TRPM7: variants seen among roughly 807,000 people sequenced by gnomAD.
The protein encoded by TRPM7 is transient receptor potential cation channel subfamily M member 7.
In TRPM7, 134 loss-of-function variants were observed where a neutral mutation model predicts 229.7. The ratio of observed to expected loss-of-function variants is 0.58; its 90% CI spans 0.51 to 0.67. The LOEUF (loss-of-function observed/expected upper bound fraction) is 0.67. Among genes scored for constraint, TRPM7 ranks in the 30% least tolerant of loss-of-function variants. The pLI, the probability that TRPM7 is intolerant of heterozygous loss-of-function variation, is 0.00. For synonymous variants in TRPM7, 699 were observed against 715.2 expected, an observed-to-expected ratio of 0.98 and a Z score of 0.36; for missense variants, 1,901 against 2,210.0, an observed-to-expected ratio of 0.86 and a Z score of 2.80.
chr15:50,593,727 A>T lies in TRPM7; in HGVS notation c.3498T>A (p.Asp1166Glu), dbSNP rs367768346. 2.5e-6 allele frequency: 4 copies of T among 1,609,508 alleles called. No individual in the cohort carries two copies. The highest frequency in any genetic ancestry group is 3.4e-6 in the Non-Finnish European group (4 of 1,178,844). The change falls in exon 25 of 39, where the codon GAT (aspartate) becomes GAA (glutamate). Residue 1166 changes from aspartate (D) to glutamate (E), a missense_variant. Physicochemically the swap from Asp to Glu is conservative, Grantham distance 45 (BLOSUM62 2). Transcript: ENST00000646667. ...DGPKLFLTEEDQKKLHDFEEQ... is the reference protein window; with the variant it reads ...DGPKLFLTEEEQKKLHDFEEQ... Reference sequence around the variant, plus strand: ...CTTCAAAATCATGAAGTTTCTTTTGATCTTCTTCTGTTAAGAAAAGTTCTA... The same window carrying T: ...CTTCAAAATCATGAAGTTTCTTTTGTTCTTCTTCTGTTAAGAAAAGTTCTA...
At chr15:50,639,928 A>C (rs2061038780) in intron 5 of TRPM7, among the ~76,000 whole-genome samples, 1 of 152,092 alleles carries the variant, frequency 6.6e-6, no homozygotes, top group Non-Finnish European at 1.5e-5. Flanking sequence ...ACAAACTTAA[A>C]ACAAGGTCAT....
intron 20 of TRPM7, among the ~76,000 whole-genome samples, chr15:50,606,909 A>C (rs2059931827): frequency 6.6e-6 from 1 of 152,224 alleles, no homozygotes; most frequent in African/African-American, 2.4e-5. Flanking sequence ...GAGAGCAAAA[A>C]TGTGAATGTT....
intron 5 of TRPM7, among the ~76,000 whole-genome samples, chr15:50,643,013 C>T (rs193281774): frequency 1.3e-5 from 2 of 152,170 alleles, no homozygotes; most frequent in South Asian, 2.1e-4. Flanking sequence ...ATTTAAGGGC[C>T]GGGCGTGGTG....
At chr15:50,568,124 A>C (rs1373957406) in intron 38 of TRPM7, among the ~76,000 whole-genome samples, 12 of 151,256 alleles carry the variant, frequency 7.9e-5, no homozygotes, top group South Asian at 2.1e-4. Flanking sequence ...AAAAAAAAAA[A>C]AAAAAAAACA....
chr15:50,668,439 C>T (rs2140945299), intron 1 of TRPM7, among the ~76,000 whole-genome samples: 1 of 152,244 alleles, frequency 6.6e-6, no homozygotes, highest in South Asian at 2.1e-4. Flanking sequence ...ATATTTGTTT[C>T]TCTCTACCCC....
intron 19 of TRPM7, among the ~76,000 whole-genome samples, chr15:50,607,572 C>A (rs371161849): frequency 2.0e-5 from 3 of 152,126 alleles, no homozygotes; most frequent in African/African-American, 7.2e-5. Context: ...ACCTTTAGAA[C>A]GTCCCACAGA....
At position 50,585,059 on chromosome 15, in the gene TRPM7, T is replaced by TTTG. The variant is rs1298377290; in HGVS notation, c.4486+1332_4486+1333insCAA. On this transcript the variant is annotated intron_variant, in intron 28 of 38. Transcript: ENST00000646667. ...TCTAGCTAATTTTTGTATTTTTTTT[T>TTTG]TTTTTTTTTTTTTGAGACGGAGTCT... 3.6e-3 allele frequency among the ~76,000 whole-genome samples: 505 copies of TTTG among 141,060 alleles called. 5 individuals are homozygous for TTTG. The highest frequency in any genetic ancestry group is 0.013 in the African/African-American group (478 of 37,008). 92.5% of individuals were successfully genotyped at this position (141,060 alleles called of 152,430 possible).
intron 38 of TRPM7, among the ~76,000 whole-genome samples, chr15:50,566,116 A>T (rs2141446907): frequency 6.6e-6 from 1 of 152,042 alleles, no homozygotes; most frequent in Middle Eastern, 3.4e-3. Flanking sequence ...TGAGCCACTG[A>T]ACCCAGCTCC....
intron 6 of TRPM7, 78 bp from the exon 7 acceptor site, chr15:50,637,671 T>C: frequency 8.1e-7 from 1 of 1,239,004 alleles, no homozygotes; most frequent in East Asian, 2.5e-5. Context: ...AAATAATCCG[T>C]AAAGACAAGT....
intron 1 of TRPM7, among the ~76,000 whole-genome samples, chr15:50,670,498 T>G (rs2061964339): frequency 6.6e-6 from 1 of 152,138 alleles, no homozygotes; most frequent in Non-Finnish European, 1.5e-5. Flanking sequence ...CATTATATGC[T>G]AATTATAATG....
intron 38 of TRPM7, among the ~76,000 whole-genome samples, chr15:50,566,027 G>C (rs985875985): frequency 1.3e-5 from 2 of 151,974 alleles, no homozygotes; most frequent in African/African-American, 2.4e-5. Flanking sequence ...GTTTCACTAT[G>C]TTGGCCAGGT....
intron 19 of TRPM7, among the ~76,000 whole-genome samples, chr15:50,608,256 A>T (rs1157472672): frequency 1.3e-5 from 2 of 152,140 alleles, no homozygotes; most frequent in South Asian, 2.1e-4. Flanking sequence ...GAGAGGTGCT[A>T]AAGTTTATGT....
chr15:50,674,957 TAA>T (rs754499903), intron 1 of TRPM7, among the ~76,000 whole-genome samples: 39 of 152,318 alleles, frequency 2.6e-4, no homozygotes, highest in Middle Eastern at 3.4e-3. Context: ...AACAATTTGC[TAA>T]AAGTCACTTA....
At chr15:50,683,747 C>A (rs1212022691) in intron 1 of TRPM7, among the ~76,000 whole-genome samples, 8 of 151,634 alleles carry the variant, frequency 5.3e-5, no homozygotes, top group South Asian at 2.1e-4. Context: ...ACAACAACAA[C>A]AAAAAAAACA....
At chr15:50,584,418 G>A (rs982363367) in intron 28 of TRPM7, among the ~76,000 whole-genome samples, 3 of 152,158 alleles carry the variant, frequency 2.0e-5, no homozygotes, top group Non-Finnish European at 4.4e-5. Context: ...GTGGAAAAGG[G>A]TGAACAGGTG....
chr15:50,637,765 G>A (rs1440246059), intron 6 of TRPM7, among the ~76,000 whole-genome samples, 172 bp from the exon 7 acceptor site: 3 of 152,220 alleles, frequency 2.0e-5, no homozygotes, highest in Non-Finnish European at 4.4e-5. Flanking sequence ...TTAAGCAGCT[G>A]AGGATTAATC....
intron 36 of TRPM7, 123 bp from the exon 37 acceptor site, chr15:50,570,278 A>G (rs2053812629): frequency 1.4e-6 from 1 of 709,492 alleles, no homozygotes; most frequent in African/African-American, 1.8e-5. Context: ...TACAATGTTA[A>G]ACTATTCAAA....
rs192234032 is a variant in TRPM7, at chr15:50,588,119, C to T, written c.4389+1473G>A. The T allele has an allele frequency of 9.7e-5, 55 of 568,672 alleles. No individual in the cohort carries two copies. In the African/African-American group the frequency reaches 1.0e-3, roughly 11 times the overall value. The allele number at this position is 568,672 out of a possible 1,614,324, so 35.2% of individuals were successfully genotyped here. A position where few individuals can be genotyped will look rare whatever the true frequency, so the allele number is the denominator to read the frequency against. ...AGGTCCGCTGAACCTACACCTATTT[C>T]CTCCATCTAAAAGCACATGGGTATA... On this transcript the variant is annotated intron_variant, in intron 27 of 38. Transcript: ENST00000646667.
At chr15:50,585,148 G>A (rs1275205552) in intron 28 of TRPM7, among the ~76,000 whole-genome samples, 2 of 139,818 alleles carry the variant, frequency 1.4e-5, no homozygotes, top group African/African-American at 2.7e-5. Flanking sequence ...TGCAAGCTCC[G>A]CTTCCCGGGT....
Sources: allele counts gnomAD v4.1 joint callset (sites outside exome capture counted in the v4.1 genomes callset), GRCh38; gene constraint gnomAD v4.1.1; transcripts MANE v1.5; gene names NCBI Gene and HGNC (gene_info 2026-07-23, HGNC 2026-07-21).